Variants in CD302 observed in about 807,000 individuals in gnomAD.
CD302 encodes CD302 molecule.
In CD302, 23 loss-of-function variants were observed where a neutral mutation model predicts 26.5. The observed-to-expected ratio is 0.87, with a 90% CI of 0.62 to 1.23. The LOEUF (loss-of-function observed/expected upper bound fraction) is 1.23. Ranked by LOEUF, CD302 falls within the 50% of genes most tolerant of loss-of-function variation. CD302 has a pLI of 0.00. For missense variants in CD302, 290 were observed against 275.5 expected (o/e 1.05, Z -0.37); for synonymous variants, 90 against 99.4 (o/e 0.91, Z 0.56).
chr2:159,769,979 C>G lies in CD302; in HGVS notation c.*1872G>C, dbSNP rs894599111. 2.0e-5 allele frequency: 3 copies of G among 152,150 alleles called. No homozygotes were observed. Among genetic ancestry groups the G allele is most frequent in the Non-Finnish European group, 4.4e-5 (3 of 68,028 alleles). 9.4% of individuals were successfully genotyped at this position (152,150 alleles called of 1,614,324 possible). A position where few individuals can be genotyped will look rare whatever the true frequency, so the allele number is the denominator to read the frequency against. On this transcript the variant is annotated 3_prime_UTR_variant, in exon 6 of 6. Transcript: ENST00000259053. ...TTTAAACTAAATTTACTTAAATAGC[C>G]TCATGTGGCTAGTGGCTCATTGGAC...
intron 4 of CD302, 104 bp downstream of exon 4, chr2:159,779,901 C>G: frequency 1.4e-6 from 2 of 1,380,674 alleles, no homozygotes; most frequent in Non-Finnish European, 2.0e-6. Context: ...CTGTGCCTAG[C>G]CTTATTCTAT....
intron 1 of CD302, among the ~76,000 whole-genome samples, chr2:159,784,490 G>A (rs567732109): frequency 6.0e-5 from 9 of 151,168 alleles, no homozygotes; most frequent in African/African-American, 2.2e-4. Flanking sequence ...CGTGTAGCTG[G>A]GACTGCAGGT....
chr2:159,789,366 T>C (rs1443058067), intron 1 of CD302, among the ~76,000 whole-genome samples: 1 of 152,220 alleles, frequency 6.6e-6, no homozygotes, highest in Non-Finnish European at 1.5e-5. Flanking sequence ...ATTTTTCAGT[T>C]ATAGAATTTC....
intron 5 of CD302, among the ~76,000 whole-genome samples, chr2:159,777,588 A>ATTAGT (rs1197878445): frequency 6.6e-6 from 1 of 152,238 alleles, no homozygotes; most frequent in Non-Finnish European, 1.5e-5. Context: ...TTCTATTCAA[A>ATTAGT]TTAGTTTAAA....
rs950053465 is a variant in CD302 at position 159,783,400 on chromosome 2, A to T, written c.137T>A (p.Val46Glu). The change falls in exon 2 of 6, where the codon GTA (valine) becomes GAA (glutamate). Residue 46 changes from valine to glutamate, a missense_variant. Coordinates refer to ENST00000259053, the MANE Select transcript of CD302 (RefSeq NM_014880.5). ...CYIFLQEAIKVESIEDVRNQC... is the reference protein window; with the variant it reads ...CYIFLQEAIKEESIEDVRNQC... Reference sequence around the variant, plus strand: ...ATTTCTGACATCCTCTATGCTTTCTACTTTGATGGCTTCTTGGAGAAAAAT... The same window carrying T: ...ATTTCTGACATCCTCTATGCTTTCTTCTTTGATGGCTTCTTGGAGAAAAAT... The T allele has an allele frequency of 6.8e-6, 11 of 1,612,780 alleles. No individual in the cohort carries two copies. The highest frequency in any genetic ancestry group is 9.3e-6 in the Non-Finnish European group (11 of 1,179,690).
Position 159,792,590 on chromosome 2 carries a change from T to G in CD302, c.67+5542A>C, listed in dbSNP as rs569354716. Among the ~76,000 whole-genome samples the G allele has an allele frequency of 3.3e-5, 5 of 152,130 alleles. No individual in the cohort carries two copies. The South Asian group carries it at 1.0e-3, about 32-fold the overall frequency. On this transcript the variant is annotated intron_variant, in intron 1 of 5. Transcript: ENST00000259053. ...GATGATGATAATGATAACCAGCTACTCAAAGACCATTGCTGAATAACTAAG... is the reference window on the plus strand; with the variant it reads ...GATGATGATAATGATAACCAGCTACGCAAAGACCATTGCTGAATAACTAAG...
rs554075237 is a variant in CD302, at chr2:159,795,695, A to G, written c.67+2437T>C. Among the ~76,000 whole-genome samples the G allele has an allele frequency of 2.0e-5, 3 of 152,300 alleles. No individual in the cohort carries two copies. The South Asian group carries it at 6.2e-4, about 32-fold the overall frequency. ...AAGGTGGTGTGCACAGAAGGACCAG[A>G]GGTGTTGGAGTACCCAGATACTGTT... On this transcript the variant is annotated intron_variant, in intron 1 of 5. Coordinates refer to ENST00000259053, the MANE Select transcript of CD302 (RefSeq NM_014880.5).
chr2:159,778,292 A>C (rs1708399336), intron 4 of CD302, among the ~76,000 whole-genome samples: 2 of 152,308 alleles, frequency 1.3e-5, no homozygotes, highest in South Asian at 4.1e-4. Flanking sequence ...AATGTCATAA[A>C]ATTAAACAAC....
chr2:159,779,194 G>T (rs947565536), intron 4 of CD302, among the ~76,000 whole-genome samples: 1 of 114,594 alleles, frequency 8.7e-6, no homozygotes, highest in Non-Finnish European at 1.6e-5. Context: ...TCGCGCCACC[G>T]CACTCCAGCC....
intron 1 of CD302, among the ~76,000 whole-genome samples, chr2:159,785,420 C>A (rs555043870): frequency 6.6e-6 from 1 of 152,136 alleles, no homozygotes; most frequent in African/African-American, 2.4e-5. Flanking sequence ...TGTTTTGCAA[C>A]AAGCAGTTTG....
Position 159,777,933 on chromosome 2 carries a change from CT to C in CD302, c.496+4del. 1 of 1,018,352 alleles carries C rather than the reference CT, an allele frequency of 9.8e-7. No individual in the cohort carries two copies. The highest frequency in any genetic ancestry group is 3.3e-5 in the East Asian group (1 of 30,536). 63.1% of individuals were successfully genotyped at this position (1,018,352 alleles called of 1,614,324 possible). On this transcript the variant is annotated splice_donor_region_variant and intron_variant, in intron 5 of 5. Coordinates refer to ENST00000259053, the MANE Select transcript of CD302 (RefSeq NM_014880.5). ...GAAAAATTTAAAGACCAAATCATTA[CT>C]TACCTGATAAATATTTCCTTTTGTA... is the stretch of plus-strand genomic sequence containing the variant.
intron 2 of CD302, 137 bp from the exon 3 acceptor site, chr2:159,781,135 C>T: frequency 1.5e-6 from 1 of 688,014 alleles, no homozygotes; most frequent in Non-Finnish European, 2.4e-6. Context: ...TCTTACAGTT[C>T]ATACAAGCTA....
intron 1 of CD302, among the ~76,000 whole-genome samples, chr2:159,785,872 G>A (rs1458911885): frequency 1.3e-5 from 2 of 152,038 alleles, no homozygotes; most frequent in East Asian, 3.9e-4. Flanking sequence ...TAAAGTACCA[G>A]CAGGAACACG....
chr2:159,775,431 A>G (rs927192622), intron 5 of CD302, among the ~76,000 whole-genome samples: 4 of 152,150 alleles, frequency 2.6e-5, no homozygotes, highest in Non-Finnish European at 4.4e-5. Context: ...ACTTATGTGT[A>G]TCTTTATTTT....
At chr2:159,778,406 G>A (rs1051814695) in intron 4 of CD302, among the ~76,000 whole-genome samples, 5 of 152,200 alleles carry the variant, frequency 3.3e-5, no homozygotes, top group Admixed American at 2.6e-4. Context: ...CTGAGGTGCA[G>A]AACCTGAAAA....
chr2:159,774,894 G>A (rs548350642), intron 5 of CD302, among the ~76,000 whole-genome samples: 3 of 152,160 alleles, frequency 2.0e-5, no homozygotes, highest in African/African-American at 7.2e-5. Context: ...TTTCCTTGCT[G>A]CTTCAACTCC....
rs371554523 is a variant in CD302, at chr2:159,780,883, A to C, written c.294T>G (p.Asp98Glu). The C allele has an allele frequency of 2.0e-5, 33 of 1,612,042 alleles. No individual in the cohort carries two copies. The highest frequency in any genetic ancestry group is 2.5e-5 in the Non-Finnish European group (30 of 1,179,368). ...DILLGMFYDT[D>E]DASFKWFDNS... ...TCCCACGAGGTAAATATCACTTACC[A>C]TCTGTGTCATAAAACATGCCTAGTA... The change falls in exon 3 of 6, where the codon GAT becomes GAG. Residue 98 changes from aspartate (D) to glutamate (E), a missense_variant and splice_region_variant. Coordinates refer to ENST00000259053, the MANE Select transcript of CD302 (RefSeq NM_014880.5).
chr2:159,775,934 A>G (rs1708303917), intron 5 of CD302, among the ~76,000 whole-genome samples: 1 of 141,786 alleles, frequency 7.1e-6, no homozygotes, highest in Non-Finnish European at 1.5e-5. Flanking sequence ...TTTTAGATGG[A>G]GGCTTGCTCT....
intron 1 of CD302, among the ~76,000 whole-genome samples, chr2:159,793,032 G>A (rs1318842766): frequency 6.6e-6 from 1 of 152,146 alleles, no homozygotes; most frequent in African/African-American, 2.4e-5. Flanking sequence ...TGCACCTCAT[G>A]AACAAAAGAC....
Sources: gnomAD v4.1 joint callset for allele counts (sites outside exome capture counted in the v4.1 genomes callset) on GRCh38, gnomAD v4.1.1 for gene constraint, MANE v1.5 for transcripts, NCBI Gene and HGNC (gene_info 2026-07-23, HGNC 2026-07-21) for gene names.